Variants in NLGN1 observed in about 807,000 individuals in gnomAD.
The protein encoded by NLGN1 is neuroligin-1.
Under a neutral mutation model 65.5 loss-of-function variants are expected in NLGN1, and 12 were observed. The observed-to-expected ratio is 0.18, with a 90% CI of 0.12 to 0.30. The LOEUF is 0.30. NLGN1 is among the 10% of genes least tolerant of loss of function. The probability of loss-of-function intolerance (pLI) is 1.00; values close to 1 mark genes in which losing one functional copy is unlikely to be tolerated. For synonymous variants in NLGN1, 350 were observed against 359.5 expected (o/e 0.97, Z 0.30); for missense variants, 750 against 1,007.1 (o/e 0.74, Z 3.46).
At chr3:174,243,764 C>A (rs967143399) in intron 4 of NLGN1, among the ~76,000 whole-genome samples, 1 of 152,096 alleles carries the variant, frequency 6.6e-6, no homozygotes, top group Non-Finnish European at 1.5e-5. Flanking sequence ...ATAGTATGTA[C>A]CCTACAAAAA....
At chr3:174,256,545 A>G (rs191156377) in intron 4 of NLGN1, among the ~76,000 whole-genome samples, 1 of 151,818 alleles carries the variant, frequency 6.6e-6, no homozygotes, top group African/African-American at 2.4e-5. Flanking sequence ...TGGTGTGTGC[A>G]TGTGTGTTTG....
chr3:174,211,828 T>G lies in NLGN1; in HGVS notation c.647-63487T>G, dbSNP rs1299213580. ...AAACCTTGAGCTAAACACAGGGTGC[T>G]GATTGGTGTGTTTACAATCCCTGAG... On this transcript the variant is annotated intron_variant, in intron 4 of 6. Coordinates refer to ENST00000457714, the Ensembl canonical transcript of NLGN1. Among the ~76,000 whole-genome samples the G allele has an allele frequency of 2.0e-5, 3 of 152,336 alleles. No individual in the cohort carries two copies. The South Asian group carries it at 6.2e-4, about 32-fold the overall frequency.
At chr3:173,620,040 G>A (rs1393473864) in intron 3 of NLGN1, among the ~76,000 whole-genome samples, 2 of 152,068 alleles carry the variant, frequency 1.3e-5, no homozygotes, top group African/African-American at 2.4e-5. Context: ...AGATGTCTCC[G>A]GAGCTTGGAG....
intron 3 of NLGN1, among the ~76,000 whole-genome samples, chr3:173,729,185 A>G (rs1025208277): frequency 2.0e-5 from 3 of 152,212 alleles, no homozygotes; most frequent in Admixed American, 1.3e-4. Flanking sequence ...AAGAGCCACC[A>G]AGCAAGTTAT....
intron 1 of NLGN1, chr3:173,399,624 C>CT (rs1433009491): frequency 2.0e-5 from 3 of 152,180 alleles, no homozygotes; most frequent in Non-Finnish European, 4.4e-5. Context: ...TCCTGGATGA[C>CT]TTTCTTGGAT....
chr3:174,089,529 C>T lies in NLGN1; in HGVS notation c.647-185786C>T, dbSNP rs551137458. On this transcript the variant is annotated intron_variant, in intron 4 of 6. Transcript: ENST00000457714. The stretch of plus-strand genomic sequence containing the variant: ...ACACTTTCCTTAGCTTAAAGGAACA[C>T]ACAATTTTAGAAGCATAATGAATTT... Among the ~76,000 whole-genome samples the T allele has an allele frequency of 8.5e-5, 13 of 152,248 alleles. No homozygotes were observed. In the East Asian group the frequency reaches 2.5e-3, roughly 29 times the overall value.
chr3:173,633,851 A>G (rs765397482), intron 3 of NLGN1, among the ~76,000 whole-genome samples: 1 of 152,146 alleles, frequency 6.6e-6, no homozygotes, highest in Admixed American at 6.6e-5. Flanking sequence ...ATCGAACTGG[A>G]TCTTTTTTTC....
chr3:174,170,223 A>G (rs1234787979), intron 4 of NLGN1, among the ~76,000 whole-genome samples: 1 of 152,160 alleles, frequency 6.6e-6, no homozygotes, highest in Non-Finnish European at 1.5e-5. Flanking sequence ...CATCTTTGAA[A>G]AAAAAAAAAA....
intron 3 of NLGN1, among the ~76,000 whole-genome samples, chr3:173,752,763 T>G (rs1335632649): frequency 6.6e-6 from 1 of 152,110 alleles, no homozygotes; most frequent in Non-Finnish European, 1.5e-5. Context: ...GCCCAGTGAT[T>G]CTGCTACTGT....
At chr3:173,587,500 A>G (rs1747695046) in intron 2 of NLGN1, among the ~76,000 whole-genome samples, 1 of 152,196 alleles carries the variant, frequency 6.6e-6, no homozygotes, top group South Asian at 2.1e-4. Context: ...TCTCCCTAAT[A>G]GAGTGGATTG....
chr3:174,208,769 C>A lies in NLGN1; in HGVS notation c.647-66546C>A, dbSNP rs1406011527. Among the ~76,000 whole-genome samples the A allele has an allele frequency of 1.2e-4, 18 of 151,840 alleles. 1 individual carries two copies. Among genetic ancestry groups the A allele is most frequent in the Admixed American group, 1.2e-3 (18 of 15,242 alleles). ...CAATCAGCAAAGGCCCAAAGGATATCATCAGCAGACCTAAAAGAACTGAAT... is the reference window on the plus strand; with the variant it reads ...CAATCAGCAAAGGCCCAAAGGATATAATCAGCAGACCTAAAAGAACTGAAT... On this transcript the variant is annotated intron_variant, in intron 4 of 6. Coordinates refer to ENST00000457714, the Ensembl canonical transcript of NLGN1.
intron 2 of NLGN1, among the ~76,000 whole-genome samples, chr3:173,591,073 ATTAC>A (rs1364170541): frequency 1.3e-5 from 2 of 152,174 alleles, no homozygotes; most frequent in Non-Finnish European, 2.9e-5. Context: ...GATTTTCGTC[ATTAC>A]TTAAGATCTT....
At chr3:173,574,768 T>A (rs925902382) in intron 2 of NLGN1, among the ~76,000 whole-genome samples, 2 of 152,220 alleles carry the variant, frequency 1.3e-5, no homozygotes, top group Admixed American at 6.5e-5. Flanking sequence ...AACTACACCA[T>A]CATTTAGCCC....
At chr3:173,693,535 CTAAG>C (rs1765770894) in intron 3 of NLGN1, among the ~76,000 whole-genome samples, 1 of 151,960 alleles carries the variant, frequency 6.6e-6, no homozygotes, top group African/African-American at 2.4e-5. Flanking sequence ...ATTTTCTTTA[CTAAG>C]TATCACACTT....
rs939799686 is a variant in NLGN1 at position 173,623,216 on chromosome 3, C to T, written c.493+18125C>T. 1.3e-4 allele frequency among the ~76,000 whole-genome samples: 20 copies of T among 152,068 alleles called. 1 individual carries two copies. Among genetic ancestry groups the T allele is most frequent in the Admixed American group, 1.0e-3 (16 of 15,256 alleles). On this transcript the variant is annotated intron_variant, in intron 3 of 6. Coordinates refer to ENST00000457714, the Ensembl canonical transcript of NLGN1. ...GTATTCTGTCCATAAAGCCCTTTGG[C>T]ATGCAAGTCAACAATACTAGTTGGA...
intron 4 of NLGN1, among the ~76,000 whole-genome samples, chr3:174,163,942 G>A (rs2152724449): frequency 6.6e-6 from 1 of 151,992 alleles, no homozygotes; most frequent in African/African-American, 2.4e-5. Flanking sequence ...TTTTAAATAT[G>A]TATACTCAGT....
chr3:173,879,981 C>A (rs1375718310), intron 4 of NLGN1, among the ~76,000 whole-genome samples: 1 of 152,102 alleles, frequency 6.6e-6, no homozygotes, highest in Non-Finnish European at 1.5e-5. Flanking sequence ...CATATAAGTT[C>A]TTTAAACTTT....
At chr3:174,203,410 G>A (rs1239765483) in intron 4 of NLGN1, among the ~76,000 whole-genome samples, 2 of 152,202 alleles carry the variant, frequency 1.3e-5, no homozygotes, top group Non-Finnish European at 2.9e-5. Flanking sequence ...AGATTAGCCC[G>A]TGGTACATTT....
chr3:174,265,761 G>A (rs1416294596), intron 4 of NLGN1, among the ~76,000 whole-genome samples: 1 of 123,848 alleles, frequency 8.1e-6, no homozygotes, highest in Non-Finnish European at 1.6e-5. Flanking sequence ...AAACTAAGAA[G>A]GCTATATATA....
Sources: gnomAD v4.1 joint callset for allele counts (sites outside exome capture counted in the v4.1 genomes callset) on GRCh38, gnomAD v4.1.1 for gene constraint, MANE v1.5 for transcripts, NCBI Gene and HGNC (gene_info 2026-07-23, HGNC 2026-07-21) for gene names.